Variants in THSD4 observed in about 807,000 individuals in gnomAD.
The protein encoded by THSD4 is thrombospondin type-1 domain-containing protein 4.
In THSD4, 69 loss-of-function variants were observed where a neutral mutation model predicts 119.0. The observed-to-expected ratio is 0.58, with a 90% confidence interval of 0.48 to 0.71. The LOEUF is 0.71. Ranked by LOEUF, THSD4 falls within the 30% of genes least tolerant of loss-of-function variation. The pLI, the probability that THSD4 is intolerant of heterozygous loss-of-function variation, is 0.00. For missense variants in THSD4, 1,393 were observed against 1,391.1 expected, an observed-to-expected ratio of 1.00 and a Z score of -0.02; for synonymous variants, 524 against 540.4, an observed-to-expected ratio of 0.97 and a Z score of 0.42.
intron 7 of THSD4, among the ~76,000 whole-genome samples, chr15:71,597,638 G>A (rs1285199786): frequency 6.6e-6 from 1 of 152,168 alleles, no homozygotes; most frequent in African/African-American, 2.4e-5. Context: ...AAGACTCCTG[G>A]TCAAACCACC....
chr15:71,248,485 T>C (rs1290249054), intron 5 of THSD4, among the ~76,000 whole-genome samples: 1 of 152,076 alleles, frequency 6.6e-6, no homozygotes, highest in Admixed American at 6.5e-5. Context: ...AGGGACAAAA[T>C]TATGAGTTTT....
rs780560180 is a variant in THSD4, at chr15:71,777,225, G to A, written c.2915-7G>A. The A allele has an allele frequency of 4.6e-5, 74 of 1,614,030 alleles. No individual in the cohort carries two copies. The highest frequency in any genetic ancestry group is 4.3e-4 in the Admixed American group (26 of 60,004). On this transcript the variant is annotated splice_polypyrimidine_tract_variant and splice_region_variant and intron_variant, in intron 17 of 17. Coordinates refer to ENST00000261862, the MANE Select transcript of THSD4 (RefSeq NM_024817.3). Reference sequence around the variant, plus strand: ...GGGAGTCTTCTGTTCATTCTCTTTCGCTACAGATGAAAACTGCAAGGACAA... The same window carrying A: ...GGGAGTCTTCTGTTCATTCTCTTTCACTACAGATGAAAACTGCAAGGACAA...
At chr15:71,130,929 A>G (rs1049669161) in intron 1 of THSD4, among the ~76,000 whole-genome samples, 18 of 152,184 alleles carry the variant, frequency 1.2e-4, no homozygotes, top group African/African-American at 3.9e-4. Context: ...TATTTTTAGT[A>G]GAGACGGGGT....
intron 7 of THSD4, among the ~76,000 whole-genome samples, chr15:71,520,334 A>T (rs1379912610): frequency 6.6e-6 from 1 of 152,148 alleles, no homozygotes; most frequent in Non-Finnish European, 1.5e-5. Context: ...CCATGATGCC[A>T]TTTGCCCTGA....
intron 7 of THSD4, among the ~76,000 whole-genome samples, chr15:71,619,262 G>A (rs1005034322): frequency 6.6e-5 from 10 of 152,218 alleles, no homozygotes; most frequent in African/African-American, 1.9e-4. Flanking sequence ...ATGAGCCACC[G>A]CGCCTGGTCT....
intron 6 of THSD4, among the ~76,000 whole-genome samples, chr15:71,359,902 T>A (rs1316315728): frequency 3.9e-5 from 6 of 152,206 alleles, no homozygotes; most frequent in Non-Finnish European, 7.3e-5. Context: ...TCTTCTGTCC[T>A]TCCCACCTTG....
intron 6 of THSD4, among the ~76,000 whole-genome samples, chr15:71,402,804 T>A (rs1387200579): frequency 2.6e-5 from 4 of 152,214 alleles, no homozygotes; most frequent in Non-Finnish European, 1.5e-5. Flanking sequence ...GTAGGTTATC[T>A]GGGCACCATA....
chr15:71,440,379 T>C (rs1217822920), intron 7 of THSD4, among the ~76,000 whole-genome samples: 1 of 152,210 alleles, frequency 6.6e-6, no homozygotes, highest in Non-Finnish European at 1.5e-5. Flanking sequence ...ACTTCACACA[T>C]ACAATATGAA....
At chr15:71,596,775 C>T (rs1409288382) in intron 7 of THSD4, among the ~76,000 whole-genome samples, 1 of 152,198 alleles carries the variant, frequency 6.6e-6, no homozygotes, top group African/African-American at 2.4e-5. Flanking sequence ...GGCTGGGGAG[C>T]GCAGCTCTGT....
At chr15:71,361,842 T>C (rs754625555) in intron 6 of THSD4, among the ~76,000 whole-genome samples, 1 of 152,212 alleles carries the variant, frequency 6.6e-6, no homozygotes, top group Non-Finnish European at 1.5e-5. Flanking sequence ...TATGTGCTGA[T>C]CTGGACGAGT....
At chr15:71,212,120 C>G (rs768733301) in intron 3 of THSD4, among the ~76,000 whole-genome samples, 6 of 151,984 alleles carry the variant, frequency 3.9e-5, no homozygotes, top group Non-Finnish European at 8.8e-5. Context: ...GCCCTCATCC[C>G]CTCATTTTTT....
intron 7 of THSD4, among the ~76,000 whole-genome samples, chr15:71,524,637 C>T (rs192553671): frequency 1.4e-4 from 19 of 131,406 alleles, no homozygotes; most frequent in Admixed American, 7.5e-4. Flanking sequence ...CTATCTGTCA[C>T]CCAGGCTGGA....
intron 3 of THSD4, among the ~76,000 whole-genome samples, chr15:71,177,858 C>G (rs1015599084): frequency 9.2e-4 from 140 of 151,460 alleles, no homozygotes; most frequent in African/African-American, 3.3e-3. Context: ...TAAACATAAT[C>G]CAGCCTATAA....
At chr15:71,376,242 C>A (rs1367651498) in intron 6 of THSD4, among the ~76,000 whole-genome samples, 1 of 130,368 alleles carries the variant, frequency 7.7e-6, no homozygotes, top group Non-Finnish European at 1.7e-5. Flanking sequence ...GTATGTAGGA[C>A]AAGATGAAGG....
intron 1 of THSD4, among the ~76,000 whole-genome samples, chr15:71,128,350 A>G (rs1299614793): frequency 6.6e-6 from 1 of 152,120 alleles, no homozygotes; most frequent in Non-Finnish European, 1.5e-5. Flanking sequence ...AACACGGTGA[A>G]ATCCAATCTC....
chr15:71,241,302 G>A (rs942658202), intron 4 of THSD4, among the ~76,000 whole-genome samples: 8 of 152,310 alleles, frequency 5.3e-5, no homozygotes, highest in Admixed American at 4.6e-4. Flanking sequence ...ACTTACTTAA[G>A]TCCTTCCACA....
chr15:71,607,662 G>A (rs1398251910), intron 7 of THSD4, among the ~76,000 whole-genome samples: 14 of 152,194 alleles, frequency 9.2e-5, no homozygotes, highest in Non-Finnish European at 2.1e-4. Context: ...GCCGTACTGA[G>A]TAGGGCTTAA....
intron 7 of THSD4, among the ~76,000 whole-genome samples, chr15:71,629,501 A>G (rs1266931434): frequency 6.6e-6 from 1 of 152,094 alleles, no homozygotes; most frequent in Non-Finnish European, 1.5e-5. Context: ...CCACACTCAG[A>G]TATCACCCGC....
intron 7 of THSD4, among the ~76,000 whole-genome samples, chr15:71,646,617 A>G (rs1168823936): frequency 1.3e-5 from 2 of 152,226 alleles, no homozygotes; most frequent in Non-Finnish European, 2.9e-5. Flanking sequence ...CATGTGTCAG[A>G]TGCTTTTTAC....
Sources: gnomAD v4.1 joint callset for allele counts (sites outside exome capture counted in the v4.1 genomes callset) on GRCh38, gnomAD v4.1.1 for gene constraint, MANE v1.5 for transcripts, NCBI Gene and HGNC (gene_info 2026-07-23, HGNC 2026-07-21) for gene names.